ZNF106: variants seen among roughly 807,000 people sequenced by gnomAD.
The protein encoded by ZNF106 is zinc finger protein 106.
In ZNF106, 67 loss-of-function variants were observed where a neutral mutation model predicts 195.1. That is an observed-to-expected ratio of 0.34 (90% confidence interval 0.28 to 0.42). ZNF106 has a LOEUF of 0.42. Among genes scored for constraint, ZNF106 ranks in the 10% least tolerant of loss-of-function variants. The pLI, the probability that ZNF106 is intolerant of heterozygous loss-of-function variation, is 1.00. For synonymous variants in ZNF106, 784 were observed against 818.6 expected, an observed-to-expected ratio of 0.96 and a Z score of 0.72; for missense variants, 2,118 against 2,304.5, an observed-to-expected ratio of 0.92 and a Z score of 1.66.
At position 42,460,599 on chromosome 15, in the gene ZNF106, G is replaced by A. The variant is rs193247656; in HGVS notation, c.117-3441C>T. 1.9e-3 allele frequency among the ~76,000 whole-genome samples: 295 copies of A among 152,264 alleles called. 3 individuals are homozygous for A. Among genetic ancestry groups the A allele is most frequent in the Non-Finnish European group, 1.1e-3 (74 of 68,022 alleles). On this transcript the variant is annotated intron_variant, in intron 3 of 21. Coordinates refer to ENST00000564754, the MANE Select transcript of ZNF106 (RefSeq NM_001366845.3). ...AAGTTAACACTAGCCAGGTGCCCAC[G>A]CCTGTAATCCCAGCACTTTGGGAGG...
At chr15:42,420,979 T>C (rs1172327405) in intron 20 of ZNF106, 82 bp downstream of exon 20, 3 of 1,219,930 alleles carry the variant, frequency 2.5e-6, no homozygotes, top group Non-Finnish European at 3.6e-6. Flanking sequence ...AATGCTACAC[T>C]GATGATAATG....
chr15:42,425,121 T>G, intron 15 of ZNF106, 96 bp from the exon 16 acceptor site: 2 of 1,241,508 alleles, frequency 1.6e-6, no homozygotes, highest in Non-Finnish European at 2.3e-6. Flanking sequence ...TTCTGTCACC[T>G]GTACTCAAAT....
In ZNF106 at chr15:42,415,369, G is replaced by T; in HGVS notation, c.*1935C>A. 2 of 448,914 alleles carry T rather than the reference G, an allele frequency of 4.5e-6. No individual in the cohort carries two copies. The highest frequency in any genetic ancestry group is 8.9e-6 in the Non-Finnish European group (2 of 223,564). The allele number at this position is 448,914 out of a possible 1,614,324, so 27.8% of individuals were successfully genotyped here. On this transcript the variant is annotated 3_prime_UTR_variant, in exon 22 of 22. Transcript: ENST00000564754. ...ATGCCTGACCTTGAGTGATCCACCCGCCTCGGCCTCCCAAAGAGCTGGGAT... is the reference window on the plus strand; with the variant it reads ...ATGCCTGACCTTGAGTGATCCACCCTCCTCGGCCTCCCAAAGAGCTGGGAT...
At position 42,466,820 on chromosome 15, in the gene ZNF106, T is replaced by C. The variant is rs1595485910; in HGVS notation, c.55-706A>G. ...TCCCATCCTTAGAGGGAAGAAAATA[T>C]GTGGGAAAGCTGCCACTTAAAAACA... is the stretch of plus-strand genomic sequence containing the variant. On this transcript the variant is annotated intron_variant, in intron 2 of 21. Coordinates refer to ENST00000564754, the MANE Select transcript of ZNF106 (RefSeq NM_001366845.3). Among the ~76,000 whole-genome samples the C allele has an allele frequency of 2.0e-5, 3 of 152,280 alleles. No homozygotes were observed. The South Asian group carries it at 6.2e-4, about 32-fold the overall frequency.
chr15:42,419,443 G>A lies in ZNF106; in HGVS notation c.5518-1492C>T, dbSNP rs117502048. 7.7e-4 allele frequency among the ~76,000 whole-genome samples: 117 copies of A among 152,246 alleles called. 1 individual carries two copies. In the East Asian group the frequency reaches 0.017, roughly 22 times the overall value. ...TACAGTCCCAGCTACCAGGGAGGCCGAGGTAGGGTGATTGCTGGAGCCTGG... is the reference window on the plus strand; with the variant it reads ...TACAGTCCCAGCTACCAGGGAGGCCAAGGTAGGGTGATTGCTGGAGCCTGG... On this transcript the variant is annotated intron_variant, in intron 20 of 21. Coordinates refer to ENST00000564754, the MANE Select transcript of ZNF106 (RefSeq NM_001366845.3).
At chr15:42,425,119 C>T in intron 15 of ZNF106, 94 bp from the exon 16 acceptor site, 1 of 1,254,740 alleles carries the variant, frequency 8.0e-7, no homozygotes, top group Non-Finnish European at 1.1e-6. Context: ...ATTTCTGTCA[C>T]CTGTACTCAA....
intron 14 of ZNF106, among the ~76,000 whole-genome samples, chr15:42,429,300 A>G (rs760066181): frequency 9.2e-5 from 14 of 151,520 alleles, no homozygotes; most frequent in South Asian, 2.1e-4. Flanking sequence ...TTAGCTGGGC[A>G]TGGTGGTGCG....
At chr15:42,472,529 T>C (rs1436957479) in intron 1 of ZNF106, among the ~76,000 whole-genome samples, 3 of 152,180 alleles carry the variant, frequency 2.0e-5, no homozygotes, top group South Asian at 2.1e-4. Context: ...CATTAGGAAA[T>C]TGTCAGACCT....
chr15:42,465,954 T>C, intron 3 of ZNF106, 99 bp downstream of exon 3: 1 of 973,712 alleles, frequency 1.0e-6, no homozygotes, highest in Non-Finnish European at 1.5e-6. Context: ...TAAGACAACA[T>C]TTGCTTTTGA....
intron 15 of ZNF106, among the ~76,000 whole-genome samples, chr15:42,427,323 G>A (rs2054895004): frequency 6.6e-6 from 1 of 152,144 alleles, no homozygotes; most frequent in Non-Finnish European, 1.5e-5. Context: ...CAGCCTGTAA[G>A]ATGAAGTCCA....
chr15:42,444,025 T>TCAC (rs1330105433), intron 9 of ZNF106, among the ~76,000 whole-genome samples, 177 bp downstream of exon 9: 5 of 140,262 alleles, frequency 3.6e-5, no homozygotes, highest in Non-Finnish European at 7.5e-5. Flanking sequence ...GGCACGAGTA[T>TCAC]CACTTGAACC....
intron 14 of ZNF106, among the ~76,000 whole-genome samples, chr15:42,430,875 C>T (rs2055026256): frequency 6.6e-6 from 1 of 151,344 alleles, no homozygotes; most frequent in South Asian, 2.1e-4. Flanking sequence ...GAACTCCTGG[C>T]CTCAAATGAT....
In ZNF106 at chr15:42,451,474, T is replaced by C. The variant is rs751784479; in HGVS notation, c.798A>G (p.Lys266=). ...NNWNYSGPGD[K]FQPGRNRNSN... ...AATTTCTGTTTCTGCCTGGTTGAAA[T>C]TTGTCTCCAGGGCCACTGTAATTCC... Residue 266 remains lysine, a synonymous_variant, in exon 5 of 22, where the codon AAA becomes AAG. Coordinates refer to ENST00000564754, the MANE Select transcript of ZNF106 (RefSeq NM_001366845.3). 6 of 1,614,226 alleles carry C rather than the reference T, an allele frequency of 3.7e-6. No individual in the cohort carries two copies. Among genetic ancestry groups the C allele is most frequent in the Non-Finnish European group, 5.1e-6 (6 of 1,180,054 alleles).
At chr15:42,429,448 A>G (rs2054976764) in intron 14 of ZNF106, among the ~76,000 whole-genome samples, 1 of 151,700 alleles carries the variant, frequency 6.6e-6, no homozygotes, top group African/African-American at 2.4e-5. Flanking sequence ...CAATTAAAAA[A>G]AAAAAAATTT....
intron 14 of ZNF106, among the ~76,000 whole-genome samples, chr15:42,428,720 A>G (rs1274595857): frequency 6.6e-6 from 1 of 152,214 alleles, no homozygotes; most frequent in Non-Finnish European, 1.5e-5. Context: ...CTAGTAATTC[A>G]GATGCACATG....
At chr15:42,457,279 T>A in intron 3 of ZNF106, 121 bp from the exon 4 acceptor site, 2 of 1,537,564 alleles carry the variant, frequency 1.3e-6, no homozygotes, top group Non-Finnish European at 1.7e-6. Flanking sequence ...AAATTAGTGC[T>A]AATTAATTTC....
intron 1 of ZNF106, among the ~76,000 whole-genome samples, chr15:42,489,995 C>T (rs535331862): frequency 6.6e-6 from 1 of 152,004 alleles, no homozygotes; most frequent in South Asian, 2.1e-4. Context: ...GCCAAGATCC[C>T]GCCACTGCAC....
In ZNF106 at chr15:42,437,120, G is replaced by A. The variant is rs2055307483; in HGVS notation, c.4746+112C>T. On this transcript the variant is annotated intron_variant, in intron 13 of 21. Transcript: ENST00000564754. ...TAAATGCATCTAAAGTCAATCTCAGGCCCACCCCTTCCTTCAGACAGCCAA... is the reference window on the plus strand; with the variant it reads ...TAAATGCATCTAAAGTCAATCTCAGACCCACCCCTTCCTTCAGACAGCCAA... 4 of 1,154,372 alleles carry A rather than the reference G, an allele frequency of 3.5e-6. No homozygotes were observed. The East Asian group carries it at 7.6e-5, about 22-fold the overall frequency. 71.5% of individuals were successfully genotyped at this position (1,154,372 alleles called of 1,614,324 possible).
At chr15:42,444,713 C>T (rs1238009318) in intron 8 of ZNF106, 114 bp downstream of exon 8, 1 of 1,379,910 alleles carries the variant, frequency 7.2e-7, no homozygotes, top group African/African-American at 1.4e-5. Flanking sequence ...GGGCACTTCC[C>T]TTGTGGAAAC....
Sources: allele counts gnomAD v4.1 joint callset (sites outside exome capture counted in the v4.1 genomes callset), GRCh38; gene constraint gnomAD v4.1.1; transcripts MANE v1.5; gene names NCBI Gene and HGNC (gene_info 2026-07-23, HGNC 2026-07-21).